The following AGAP1 variants were observed in gnomAD, a reference collection of about 807,000 sequenced individuals.
The protein encoded by AGAP1 is ArfGAP with GTPase domain, ankyrin repeat and PH domain 1.
A neutral mutation model predicts 105.3 loss-of-function variants in AGAP1; 29 were observed. That is an observed-to-expected ratio of 0.28 (90% confidence interval 0.21 to 0.38). AGAP1 has a LOEUF of 0.38. AGAP1 is among the 10% of genes least tolerant of loss of function. AGAP1 has a pLI of 1.00. For synonymous variants in AGAP1, 509 were observed against 485.9 expected, an observed-to-expected ratio of 1.05 and a Z score of -0.63; for missense variants, 998 against 1,165.1, an observed-to-expected ratio of 0.86 and a Z score of 2.09.
rs755956758 is a variant in AGAP1 at position 235,508,297 on chromosome 2, A to G, written c.163+13448A>G. 1.6e-4 allele frequency among the ~76,000 whole-genome samples: 24 copies of G among 152,194 alleles called. 1 individual carries two copies. The highest frequency in any genetic ancestry group is 3.5e-4 in the Non-Finnish European group (24 of 68,032). ...CACAATAGAACAATTATATTCCTTC[A>G]GGTGTGTACCAAGTAATGCCACCTA... is the stretch of plus-strand genomic sequence containing the variant. On this transcript the variant is annotated intron_variant, in intron 1 of 17. Transcript: ENST00000304032.
chr2:236,047,473 G>A (rs946053478), intron 15 of AGAP1, among the ~76,000 whole-genome samples: 4 of 151,580 alleles, frequency 2.6e-5, no homozygotes, highest in African/African-American at 9.7e-5. Flanking sequence ...TTCTGACTGC[G>A]CTTTTCAGCG....
chr2:235,776,146 G>A (rs1040296851), intron 6 of AGAP1, among the ~76,000 whole-genome samples: 6 of 152,186 alleles, frequency 3.9e-5, no homozygotes. Context: ...AGGGCCAAAA[G>A]TGGACCTGTT....
chr2:235,531,852 TC>T (rs1158487819), intron 1 of AGAP1, among the ~76,000 whole-genome samples: 8 of 152,078 alleles, frequency 5.3e-5, no homozygotes, highest in Admixed American at 5.2e-4. Context: ...CCTTCGTTGA[TC>T]CATGTGCCTT....
In AGAP1 at chr2:235,586,007, T is replaced by C. The variant is rs539946098; in HGVS notation, c.163+91158T>C. ...TGCAGCTGCCACTGAGAAGTGTATT[T>C]AGGCAGGTTCTGGCAACAGACTTGG... On this transcript the variant is annotated intron_variant, in intron 1 of 17. Coordinates refer to ENST00000304032, the MANE Select transcript of AGAP1 (RefSeq NM_001037131.3). The surrounding 1 kb of genome is among the most constrained non-coding windows in gnomAD (Gnocchi z 4.2). Among the ~76,000 whole-genome samples, 2 of 152,252 alleles carry C rather than the reference T, an allele frequency of 1.3e-5. No homozygotes were observed. The highest frequency in any genetic ancestry group is 4.2e-4 in the South Asian group (2 of 4,818).
intron 12 of AGAP1, among the ~76,000 whole-genome samples, chr2:235,954,028 G>T (rs1276469439): frequency 2.0e-5 from 3 of 152,192 alleles, no homozygotes; most frequent in African/African-American, 7.2e-5. Context: ...TCAGGAGTTT[G>T]AGACCAGCCT....
At chr2:235,803,031 G>A (rs1957632775) in intron 8 of AGAP1, among the ~76,000 whole-genome samples, 1 of 3,700 alleles carries the variant, frequency 2.7e-4, no homozygotes, top group Non-Finnish European at 1.1e-3. Context: ...GGTGATGGTT[G>A]TGATGGTGAT....
At chr2:235,880,013 G>A (rs1246807469) in intron 9 of AGAP1, among the ~76,000 whole-genome samples, 3 of 151,390 alleles carry the variant, frequency 2.0e-5, no homozygotes, top group African/African-American at 7.3e-5. Flanking sequence ...TCAGGAGGAA[G>A]GAGGGAGGAT....
chr2:235,551,051 G>A lies in AGAP1; in HGVS notation c.163+56202G>A, dbSNP rs917361894. On this transcript the variant is annotated intron_variant, in intron 1 of 17. Transcript: ENST00000304032. This position sits in a 1 kb window ranked among gnomAD's most constrained non-coding sequence, Gnocchi z 4.8. ...GGCCTCTGAAAGTGCTGGGATTACA[G>A]GCGTGAGCCACCGCGCTCGGCCATA... Among the ~76,000 whole-genome samples, 1 of 152,178 alleles carries A rather than the reference G, an allele frequency of 6.6e-6. No homozygotes were observed. Among genetic ancestry groups the A allele is most frequent in the Non-Finnish European group, 1.5e-5 (1 of 68,036 alleles).
At chr2:235,624,900 C>T (rs1946591216) in intron 1 of AGAP1, among the ~76,000 whole-genome samples, 1 of 152,072 alleles carries the variant, frequency 6.6e-6, no homozygotes. Context: ...TTCCCCACTC[C>T]CCGACCCCTC....
chr2:235,496,467 C>T (rs572343402), intron 1 of AGAP1, among the ~76,000 whole-genome samples: 1 of 152,288 alleles, frequency 6.6e-6, no homozygotes, highest in East Asian at 1.9e-4. Flanking sequence ...TCCAGCTCTG[C>T]GTCTGTTACG....
intron 9 of AGAP1, among the ~76,000 whole-genome samples, chr2:235,878,739 GC>G (rs1425058547): frequency 6.6e-6 from 1 of 152,232 alleles, no homozygotes; most frequent in African/African-American, 2.4e-5. Context: ...GTGAAGCGGA[GC>G]CCCTGTCCGC....
chr2:235,678,177 A>G (rs1948860764), intron 1 of AGAP1, among the ~76,000 whole-genome samples: 1 of 152,066 alleles, frequency 6.6e-6, no homozygotes, highest in Non-Finnish European at 1.5e-5. Flanking sequence ...TCTTCCGGCT[A>G]TTTCAGCTGC....
rs530294313 is a variant in AGAP1 at position 236,083,223 on chromosome 2, G to C, written c.2114+33942G>C. ...GGCTCATGAACTTGCCAAAGAAAGGGCTGTTGTCAGTCGCCGAGGCTTCGG... is the reference window on the plus strand; with the variant it reads ...GGCTCATGAACTTGCCAAAGAAAGGCCTGTTGTCAGTCGCCGAGGCTTCGG... On this transcript the variant is annotated intron_variant, in intron 16 of 17. Transcript: ENST00000304032. The surrounding 1 kb of genome is among the most constrained non-coding windows in gnomAD (Gnocchi z 5.3). Among the ~76,000 whole-genome samples the C allele has an allele frequency of 1.3e-5, 2 of 152,170 alleles. No individual in the cohort carries two copies. Among genetic ancestry groups the C allele is most frequent in the Non-Finnish European group, 2.9e-5 (2 of 68,028 alleles).
At chr2:235,693,734 A>G (rs527292516) in intron 1 of AGAP1, among the ~76,000 whole-genome samples, 1 of 152,308 alleles carries the variant, frequency 6.6e-6, no homozygotes, top group South Asian at 2.1e-4. Context: ...TGCTATTCTC[A>G]TAGGAGGATG....
rs377296178 is a variant in AGAP1, at chr2:236,087,376, T to C, written c.2115-32816T>C. Among the ~76,000 whole-genome samples the C allele has an allele frequency of 1.7e-4, 26 of 152,300 alleles. No homozygotes were observed. In the South Asian group the frequency reaches 4.8e-3, roughly 28 times the overall value. Reference sequence around the variant, plus strand: ...AAAGAGTCCAGGTCCCCGACAGCCCTGCTCCAAGGACAGACAACCTCGTCT... The same window carrying C: ...AAAGAGTCCAGGTCCCCGACAGCCCCGCTCCAAGGACAGACAACCTCGTCT... On this transcript the variant is annotated intron_variant, in intron 16 of 17. Coordinates refer to ENST00000304032, the MANE Select transcript of AGAP1 (RefSeq NM_001037131.3). The surrounding 1 kb of genome is among the most constrained non-coding windows in gnomAD (Gnocchi z 5.7).
intron 12 of AGAP1, among the ~76,000 whole-genome samples, chr2:235,943,186 T>G (rs1408308814): frequency 6.6e-6 from 1 of 152,186 alleles, no homozygotes; most frequent in Non-Finnish European, 1.5e-5. Context: ...TTTCTGTGGT[T>G]TGCTCAGTTC....
chr2:236,007,317 G>T (rs1471168471), intron 13 of AGAP1, among the ~76,000 whole-genome samples: 1 of 152,206 alleles, frequency 6.6e-6, no homozygotes, highest in Non-Finnish European at 1.5e-5. Flanking sequence ...CTTCAGTTCA[G>T]ATGGCTTACA....
In AGAP1 at chr2:236,045,516, C is replaced by T. The variant is rs998745457; in HGVS notation, c.1892-3543C>T. Among the ~76,000 whole-genome samples the T allele has an allele frequency of 3.3e-5, 5 of 152,234 alleles. No individual in the cohort carries two copies. The highest frequency in any genetic ancestry group is 3.3e-4 in the Admixed American group (5 of 15,286). On this transcript the variant is annotated intron_variant, in intron 15 of 17. Coordinates refer to ENST00000304032, the MANE Select transcript of AGAP1 (RefSeq NM_001037131.3). This position sits in a 1 kb window ranked among gnomAD's most constrained non-coding sequence, Gnocchi z 6.9. ...GAGCTGAGGCCCGGAGAGCAAGAGG[C>T]TTGCAGAGGACAAAGGTGGAAAGGC...
chr2:235,750,440 G>A lies in AGAP1; in HGVS notation c.625G>A (p.Glu209Lys), dbSNP rs1288473351. The A allele has an allele frequency of 3.7e-6, 6 of 1,614,096 alleles. No individual in the cohort carries two copies. The highest frequency in any genetic ancestry group is 4.2e-6 in the Non-Finnish European group (5 of 1,180,038). The change falls in exon 6 of 18, where the codon GAG (glutamate) becomes AAG (lysine). Residue 209 changes from glutamate to lysine, a missense_variant. Transcript: ENST00000304032. The surrounding 1 kb of genome is among the most constrained non-coding windows in gnomAD (Gnocchi z 5.3). Reference protein sequence around the residue: ...SNDLKRCTYYETCATYGLNVE... With the variant: ...SNDLKRCTYYKTCATYGLNVE... ...CGACCTGAAACGGTGCACGTACTAC[G>A]AGACGTGTGCTACATACGGGCTGAA...
Sources: gnomAD v4.1 joint callset for allele counts (sites outside exome capture counted in the v4.1 genomes callset) on GRCh38, gnomAD v4.1.1 for gene constraint, Gnocchi (gnomAD v3.1) non-coding constraint, MANE v1.5 for transcripts, NCBI Gene and HGNC (gene_info 2026-07-23, HGNC 2026-07-21) for gene names.